The following SH3D19 variants were observed in gnomAD, a reference collection of about 807,000 sequenced individuals.
The protein encoded by SH3D19 is SH3 domain-containing protein 19.
In SH3D19, 58 loss-of-function variants were observed where a neutral mutation model predicts 112.1. The observed-to-expected ratio is 0.52, with a 90% CI of 0.42 to 0.64. The LOEUF (loss-of-function observed/expected upper bound fraction) is 0.64. Among genes scored for constraint, SH3D19 ranks in the 30% least tolerant of loss-of-function variants. The probability of loss-of-function intolerance (pLI) is 0.00; values close to 1 mark genes in which losing one functional copy is unlikely to be tolerated. For synonymous variants in SH3D19, 391 were observed against 448.5 expected, an observed-to-expected ratio of 0.87 and a Z score of 1.62; for missense variants, 1,090 against 1,263.4, an observed-to-expected ratio of 0.86 and a Z score of 2.08.
chr4:151,234,232 A>G (rs554515288), intron 1 of SH3D19, among the ~76,000 whole-genome samples: 1 of 152,232 alleles, frequency 6.6e-6, no homozygotes, highest in East Asian at 1.9e-4. Context: ...CAGGCTGCTA[A>G]TTCTTTTTAA....
intron 2 of SH3D19, among the ~76,000 whole-genome samples, chr4:151,219,913 T>G (rs1460347934): frequency 2.0e-5 from 3 of 152,248 alleles, no homozygotes; most frequent in Non-Finnish European, 4.4e-5. Context: ...TTGAAATGTT[T>G]CCATTTTACT....
At chr4:151,163,586 C>CT (rs200482400) in intron 8 of SH3D19, among the ~76,000 whole-genome samples, 50,861 of 144,954 alleles carry the variant, frequency 0.35, 10,031 homozygotes, top group Non-Finnish European at 0.45. Context: ...TTCTTTCTTT[C>CT]TTTTTTTTTT....
At chr4:151,239,185 C>T (rs1047624866) in intron 1 of SH3D19, among the ~76,000 whole-genome samples, 1 of 152,204 alleles carries the variant, frequency 6.6e-6, no homozygotes, top group Non-Finnish European at 1.5e-5. Context: ...CACCTATGGG[C>T]ACTTACCACA....
chr4:151,236,996 A>G (rs1770115401), intron 1 of SH3D19, among the ~76,000 whole-genome samples: 1 of 152,214 alleles, frequency 6.6e-6, no homozygotes, highest in East Asian at 1.9e-4. Context: ...CAGCAGCAAC[A>G]TGCTGAAGTC....
chr4:151,125,492 C>CCA (rs1749029878), intron 19 of SH3D19, among the ~76,000 whole-genome samples: 8 of 119,966 alleles, frequency 6.7e-5, no homozygotes, highest in African/African-American at 1.8e-4. Context: ...AAAACAAAAC[C>CCA]AAAAAAAAAA....
intron 1 of SH3D19, among the ~76,000 whole-genome samples, chr4:151,299,601 A>AAG (rs5862957): frequency 6.8e-6 from 1 of 147,904 alleles, no homozygotes; most frequent in African/African-American, 2.4e-5. Context: ...AAAAAAAAAA[A>AAG]TTAAAATCAC....
At chr4:151,313,432 T>TATTG (rs200396925) in intron 1 of SH3D19, among the ~76,000 whole-genome samples, 1 of 151,970 alleles carries the variant, frequency 6.6e-6, no homozygotes, top group East Asian at 1.9e-4. Context: ...TTTATTTATT[T>TATTG]TAGAGATAAG....
chr4:151,219,789 G>A (rs1474243185), intron 2 of SH3D19, among the ~76,000 whole-genome samples: 3 of 152,080 alleles, frequency 2.0e-5, no homozygotes, highest in Admixed American at 2.0e-4. Context: ...ATGTATTCAT[G>A]TACATAAATC....
intron 1 of SH3D19, among the ~76,000 whole-genome samples, chr4:151,282,664 A>G (rs1160126173): frequency 6.6e-6 from 1 of 152,170 alleles, no homozygotes; most frequent in Admixed American, 6.5e-5. Context: ...ACACATAACT[A>G]CCTCTCTCAA....
At chr4:151,290,341 A>G (rs545056354) in intron 1 of SH3D19, among the ~76,000 whole-genome samples, 4 of 152,344 alleles carry the variant, frequency 2.6e-5, no homozygotes, top group African/African-American at 9.6e-5. Flanking sequence ...GTACATCCAT[A>G]CAATGGAATA....
At chr4:151,313,976 T>C (rs915206058) in intron 1 of SH3D19, among the ~76,000 whole-genome samples, 1 of 152,228 alleles carries the variant, frequency 6.6e-6, no homozygotes, top group African/African-American at 2.4e-5. Context: ...CCACATCTTG[T>C]ACAAACATTT....
intron 7 of SH3D19, chr4:151,166,431 C>A (rs186397031): frequency 6.6e-6 from 1 of 150,856 alleles, no homozygotes; most frequent in Non-Finnish European, 1.5e-5. Flanking sequence ...TGGCTGTAAA[C>A]CTTTTTACTG....
At chr4:151,245,772 T>A (rs1277949045) in intron 1 of SH3D19, among the ~76,000 whole-genome samples, 1 of 152,186 alleles carries the variant, frequency 6.6e-6, no homozygotes, top group East Asian at 1.9e-4. Context: ...TAGCTAATTT[T>A]TATATTTTTA....
intron 2 of SH3D19, among the ~76,000 whole-genome samples, chr4:151,218,740 TC>T (rs1156512362): frequency 2.0e-5 from 3 of 152,198 alleles, no homozygotes; most frequent in Admixed American, 2.0e-4. Flanking sequence ...CTTCCGCACA[TC>T]TTTTTATACT....
intron 1 of SH3D19, among the ~76,000 whole-genome samples, chr4:151,267,716 A>T (rs999722260): frequency 6.6e-6 from 1 of 152,232 alleles, no homozygotes; most frequent in Non-Finnish European, 1.5e-5. Context: ...GAAGTGAATA[A>T]ACATAAAAAG....
chr4:151,302,976 C>T (rs761041092), intron 1 of SH3D19, among the ~76,000 whole-genome samples: 65 of 151,882 alleles, frequency 4.3e-4, no homozygotes, highest in Non-Finnish European at 8.7e-4. Context: ...TATAACAAAC[C>T]TGCATGTTGT....
At chr4:151,307,666 T>C (rs1036399246) in intron 1 of SH3D19, among the ~76,000 whole-genome samples, 1 of 152,370 alleles carries the variant, frequency 6.6e-6, no homozygotes, top group South Asian at 2.1e-4. Flanking sequence ...CCATGAACTG[T>C]GCAGCAGCTC....
intron 3 of SH3D19, among the ~76,000 whole-genome samples, chr4:151,179,987 A>T (rs1760593389): frequency 6.6e-6 from 1 of 152,144 alleles, no homozygotes; most frequent in Non-Finnish European, 1.5e-5. Flanking sequence ...GGCTCAAGTG[A>T]TCCTCCTGCC....
intron 2 of SH3D19, among the ~76,000 whole-genome samples, chr4:151,216,084 C>G (rs529171583): frequency 6.6e-6 from 1 of 152,302 alleles, no homozygotes; most frequent in African/African-American, 2.4e-5. Context: ...CCATCTCGGC[C>G]TCCCAAAGTG....
Sources: gnomAD v4.1 joint callset for allele counts (sites outside exome capture counted in the v4.1 genomes callset) on GRCh38, gnomAD v4.1.1 for gene constraint, MANE v1.5 for transcripts, NCBI Gene and HGNC (gene_info 2026-07-23, HGNC 2026-07-21) for gene names.